MYBPC2: variants seen among roughly 807,000 people sequenced by gnomAD.
The protein encoded by MYBPC2 is myosin-binding protein C, fast-type.
Under a neutral mutation model 137.0 loss-of-function variants are expected in MYBPC2, and 122 were observed. The observed-to-expected ratio is 0.89, with a 90% CI of 0.77 to 1.03. The LOEUF (loss-of-function observed/expected upper bound fraction) is 1.03. Ranked by LOEUF, MYBPC2 falls within the 50% of genes least tolerant of loss-of-function variation. The pLI, the probability that MYBPC2 is intolerant of heterozygous loss-of-function variation, is 0.00. For synonymous variants in MYBPC2, 626 were observed against 612.3 expected, an observed-to-expected ratio of 1.02 and a Z score of -0.33; for missense variants, 1,500 against 1,534.4, an observed-to-expected ratio of 0.98 and a Z score of 0.37.
chr19:50,463,340 C>T (rs2039987122), intron 26 of MYBPC2, among the ~76,000 whole-genome samples: 1 of 152,178 alleles, frequency 6.6e-6, no homozygotes, highest in South Asian at 2.1e-4. Context: ...AGGTTATTCG[C>T]TTCAGCCTCC....
intron 16 of MYBPC2, among the ~76,000 whole-genome samples, chr19:50,452,368 T>C (rs1483299701): frequency 6.6e-6 from 1 of 152,188 alleles, no homozygotes. Flanking sequence ...CATCAACCAA[T>C]TTAGTTATCC....
At chr19:50,451,138 G>A in intron 14 of MYBPC2, 142 bp from the exon 15 acceptor site, 4 of 1,099,896 alleles carry the variant, frequency 3.6e-6, no homozygotes, top group Non-Finnish European at 5.3e-6. Flanking sequence ...AGGAGGGGTG[G>A]CTCCTGGGCC....
At position 50,464,429 on chromosome 19, in the gene MYBPC2, G is replaced by A. The variant is rs34339443; in HGVS notation, c.3312G>A (p.Thr1104=). The A allele has an allele frequency of 0.033, 52,482 of 1,611,470 alleles. 1,163 individuals carry two copies. The highest frequency in any genetic ancestry group is 0.1 in the Admixed American group (5,925 of 59,502). The change falls in exon 27 of 28, where the codon ACG becomes ACA. Residue 1104 remains threonine (T), a synonymous_variant. Coordinates refer to ENST00000357701, the MANE Select transcript of MYBPC2 (RefSeq NM_004533.4). The part of the protein sequence containing the change: ...FLITNYQGVL[T]LNIRRPSPFD... ...TAACCAATTACCAAGGAGTCCTGAC[G>A]CTGAACATCCGTCGCCCCTCGCCCT...
chr19:50,465,616 C>T lies in MYBPC2; in HGVS notation c.3416-579C>T, dbSNP rs528860185. 2.1e-3 allele frequency among the ~76,000 whole-genome samples: 325 copies of T among 152,224 alleles called. 2 individuals carry two copies. The highest frequency in any genetic ancestry group is 7.2e-3 in the African/African-American group (300 of 41,546). ...CAGCACATTGGGAGGCCAAGGCAGGCGAGTTGCTTGAGCCCAGGAGTTCAA... is the reference window on the plus strand; with the variant it reads ...CAGCACATTGGGAGGCCAAGGCAGGTGAGTTGCTTGAGCCCAGGAGTTCAA... On this transcript the variant is annotated intron_variant, in intron 27 of 27. Coordinates refer to ENST00000357701, the MANE Select transcript of MYBPC2 (RefSeq NM_004533.4). The surrounding 1 kb of genome is among the most constrained non-coding windows in gnomAD (Gnocchi z 4.5).
Position 50,461,598 on chromosome 19 carries a change from T to C in MYBPC2, c.2988T>C (p.Leu996=). The change falls in exon 25 of 28, where the codon CTT becomes CTC. Residue 996 remains leucine, a synonymous_variant. Transcript: ENST00000357701. Reference sequence around the variant, plus strand: ...ACACTAGCTGTACTGTGTCCGACCTTATCGTGGGCAATGAATACTATTTCC... The same window carrying C: ...ACACTAGCTGTACTGTGTCCGACCTCATCGTGGGCAATGAATACTATTTCC... The part of the protein sequence containing the change: ...NRHTSCTVSD[L]IVGNEYYFRV... 6.2e-7 allele frequency: 1 copy of C among 1,613,196 alleles called. No homozygotes were observed. Among genetic ancestry groups the C allele is most frequent in the South Asian group, 1.1e-5 (1 of 90,966 alleles).
At chr19:50,460,017 T>TTGTC (rs1474651280) in intron 23 of MYBPC2, 23 bp from the exon 24 acceptor site, 37 of 1,550,050 alleles carry the variant, frequency 2.4e-5, no homozygotes, top group Admixed American at 9.8e-5. Flanking sequence ...CTGGACTGAC[T>TTGTC]TGTCACACTT....
intron 15 of MYBPC2, 61 bp downstream of exon 15, chr19:50,451,370 G>A: frequency 6.3e-7 from 1 of 1,578,028 alleles, no homozygotes; most frequent in Non-Finnish European, 8.7e-7. Flanking sequence ...GCTGAGGGAG[G>A]AGGGGAATGG....
chr19:50,458,662 C>A lies in MYBPC2; in HGVS notation c.2414C>A (p.Ala805Asp). 1 of 1,612,678 alleles carries A rather than the reference C, an allele frequency of 6.2e-7. No homozygotes were observed. Residue 805 changes from alanine to aspartate, a missense_variant, in exon 21 of 28, where the codon GCC becomes GAC. Transcript: ENST00000357701. ...GFTVKNLPTG[A>D]RILFRVVGVN... ...ACCGTCAAGAATCTCCCGACCGGAG[C>A]CAGAATCCTCTTCCGAGTAGTTGGG...
At position 50,433,075 on chromosome 19, in the gene MYBPC2, G is replaced by A. The variant is rs1051944237; in HGVS notation, c.19+103G>A. On this transcript the variant is annotated intron_variant, in intron 1 of 27. Coordinates refer to ENST00000357701, the MANE Select transcript of MYBPC2 (RefSeq NM_004533.4). ...AGGGTTGGGAGAAGGAGGAACCTTC[G>A]CTGTGTGAGGAGGAGGCTCCCTTTG... The A allele has an allele frequency of 4.3e-6, 6 of 1,382,130 alleles. No homozygotes were observed. In the African/African-American group the frequency reaches 8.9e-5, roughly 20 times the overall value. 85.6% of individuals were successfully genotyped at this position (1,382,130 alleles called of 1,614,324 possible). A position where few individuals can be genotyped will look rare whatever the true frequency, so the allele number is the denominator to read the frequency against.
At position 50,436,629 on chromosome 19, in the gene MYBPC2, G is replaced by A; in HGVS notation, c.358G>A (p.Glu120Lys). The change falls in exon 5 of 28, where the codon GAG becomes AAG. Residue 120 changes from glutamate (E) to lysine (K), a missense_variant. Transcript: ENST00000357701. ...HNSASNVYTV[E>K]LHIGKVVLGD... Reference sequence around the variant, plus strand: ...GCCCTGGACCCAGGTGTACACCGTGGAGCTGCACATTGGGAAGGTGGTACT... The same window carrying A: ...GCCCTGGACCCAGGTGTACACCGTGAAGCTGCACATTGGGAAGGTGGTACT... 1 of 1,613,914 alleles carries A rather than the reference G, an allele frequency of 6.2e-7. No individual in the cohort carries two copies. The highest frequency in any genetic ancestry group is 8.5e-7 in the Non-Finnish European group (1 of 1,179,810).
Position 50,441,095 on chromosome 19 carries a change from G to A in MYBPC2, c.769+19G>A. On this transcript the variant is annotated intron_variant, in intron 8 of 27. Coordinates refer to ENST00000357701, the MANE Select transcript of MYBPC2 (RefSeq NM_004533.4). ...AGTGCAGGTCAGCCCTGGTCTGGGG[G>A]GAGCTGGGCCCTGCACACAAGGGAC... 6.4e-7 allele frequency: 1 copy of A among 1,563,904 alleles called. No individual in the cohort carries two copies.
intron 11 of MYBPC2, among the ~76,000 whole-genome samples, chr19:50,444,891 A>G (rs530640315): frequency 6.6e-6 from 1 of 151,788 alleles, no homozygotes; most frequent in East Asian, 1.9e-4. Flanking sequence ...AAAAAAAAAA[A>G]AAAAAAAAAA....
At chr19:50,433,649 C>T (rs901148476) in intron 1 of MYBPC2, among the ~76,000 whole-genome samples, 1 of 152,112 alleles carries the variant, frequency 6.6e-6, no homozygotes, top group Non-Finnish European at 1.5e-5. Flanking sequence ...CCCGCCTCAG[C>T]CTCCCAAAGT....
chr19:50,446,489 G>C (rs973267233), intron 12 of MYBPC2, among the ~76,000 whole-genome samples: 6 of 150,772 alleles, frequency 4.0e-5, no homozygotes, highest in Admixed American at 6.6e-5. Flanking sequence ...CTCCAGCCTG[G>C]GCAACAGAGC....
At chr19:50,452,282 G>T (rs1011666081) in intron 16 of MYBPC2, among the ~76,000 whole-genome samples, 4 of 152,168 alleles carry the variant, frequency 2.6e-5, no homozygotes, top group African/African-American at 9.7e-5. Context: ...TCCAGCTGAT[G>T]ATTTTTTCAT....
intron 20 of MYBPC2, 31 bp from the exon 21 acceptor site, chr19:50,458,556 C>CAGCA: frequency 6.2e-7 from 1 of 1,604,800 alleles, no homozygotes; most frequent in Non-Finnish European, 8.5e-7. Flanking sequence ...GAGGAGGGCA[C>CAGCA]GAGATCCGCC....
At chr19:50,451,062 C>T (rs893892058) in intron 14 of MYBPC2, 127 bp downstream of exon 14, 3 of 1,035,660 alleles carry the variant, frequency 2.9e-6, no homozygotes, top group Non-Finnish European at 4.3e-6. Context: ...AAGCGTCTGT[C>T]CCGCTCATGG....
chr19:50,453,591 A>G (rs2039880298), intron 16 of MYBPC2, among the ~76,000 whole-genome samples: 1 of 150,224 alleles, frequency 6.7e-6, no homozygotes, highest in Admixed American at 6.7e-5. Flanking sequence ...CCCAGGCTGG[A>G]GTGCAGTGGT....
In MYBPC2 at chr19:50,457,122, A is replaced by G. The variant is rs142962522; in HGVS notation, c.2339-1465A>G. Among the ~76,000 whole-genome samples the G allele has an allele frequency of 4.1e-3, 623 of 152,204 alleles. 5 individuals are homozygous for G. The highest frequency in any genetic ancestry group is 0.014 in the African/African-American group (597 of 41,526). ...TGAGCCTCAGTCTCTTCATCTAACC[A>G]TGGCGAAGACAGTTCTCATCTTGAC... is the stretch of plus-strand genomic sequence containing the variant. On this transcript the variant is annotated intron_variant, in intron 20 of 27. Coordinates refer to ENST00000357701, the MANE Select transcript of MYBPC2 (RefSeq NM_004533.4).
Sources: allele counts gnomAD v4.1 joint callset (sites outside exome capture counted in the v4.1 genomes callset), GRCh38; gene constraint gnomAD v4.1.1; non-coding constraint Gnocchi (gnomAD v3.1); transcripts MANE v1.5; gene names NCBI Gene and HGNC (gene_info 2026-07-23, HGNC 2026-07-21).